The following RPH3A variants were observed in gnomAD, a reference collection of about 807,000 sequenced individuals.
The protein encoded by RPH3A is rabphilin-3A.
Under a neutral mutation model 102.2 loss-of-function variants are expected in RPH3A, and 48 were observed. The ratio of observed to expected loss-of-function variants is 0.47; its 90% CI spans 0.37 to 0.60. The LOEUF is 0.60. Among genes scored for constraint, RPH3A ranks in the 20% least tolerant of loss-of-function variants. The probability of loss-of-function intolerance (pLI) is 0.00; values close to 1 mark genes in which losing one functional copy is unlikely to be tolerated. For synonymous variants in RPH3A, 310 were observed against 324.3 expected (o/e 0.96, Z 0.47); for missense variants, 781 against 910.1 (o/e 0.86, Z 1.83).
At chr12:112,764,662 CCTCT>C (rs1278944809) in intron 1 of RPH3A, among the ~76,000 whole-genome samples, 1 of 151,778 alleles carries the variant, frequency 6.6e-6, no homozygotes, top group Non-Finnish European at 1.5e-5. Context: ...ACCTTCCCTG[CCTCT>C]CTCTACCTGA....
intron 5 of RPH3A, among the ~76,000 whole-genome samples, chr12:112,858,168 G>A (rs2042441787): frequency 6.8e-6 from 1 of 147,010 alleles, no homozygotes; most frequent in Non-Finnish European, 1.5e-5. Flanking sequence ...TTGAAAGGCT[G>A]AGGTGGGAAG....
intron 1 of RPH3A, among the ~76,000 whole-genome samples, chr12:112,712,890 T>C (rs1443352720): frequency 7.3e-6 from 1 of 137,670 alleles, no homozygotes; most frequent in Non-Finnish European, 1.5e-5. Context: ...TTCTTCTTCT[T>C]CTTCTTCTTC....
chr12:112,700,024 G>A (rs1024957317), intron 1 of RPH3A, among the ~76,000 whole-genome samples: 1 of 151,870 alleles, frequency 6.6e-6, no homozygotes, highest in African/African-American at 2.4e-5. Context: ...ACATTTCCAA[G>A]GAGAACAAGC....
At chr12:112,684,797 G>A (rs1024046938) in intron 1 of RPH3A, among the ~76,000 whole-genome samples, 17 of 152,220 alleles carry the variant, frequency 1.1e-4, no homozygotes, top group Middle Eastern at 3.4e-3. Context: ...CTTAGACTGG[G>A]TAATTTACAA....
At chr12:112,680,455 A>G (rs1469156749) in intron 1 of RPH3A, among the ~76,000 whole-genome samples, 1 of 152,172 alleles carries the variant, frequency 6.6e-6, no homozygotes, top group Non-Finnish European at 1.5e-5. Flanking sequence ...GGAATGAGGT[A>G]TATCGTTACC....
intron 1 of RPH3A, among the ~76,000 whole-genome samples, chr12:112,775,391 G>T (rs570349328): frequency 7.9e-5 from 12 of 152,254 alleles, no homozygotes; most frequent in African/African-American, 2.9e-4. Flanking sequence ...CAGGCACTGT[G>T]TTAGGTCCTG....
chr12:112,728,362 T>G (rs2040609631), intron 1 of RPH3A, among the ~76,000 whole-genome samples: 1 of 152,152 alleles, frequency 6.6e-6, no homozygotes. Context: ...GCTTTTAAGC[T>G]TCTATTTTTT....
intron 2 of RPH3A, among the ~76,000 whole-genome samples, chr12:112,809,369 C>A (rs1012519665): frequency 1.1e-4 from 17 of 152,110 alleles, no homozygotes; most frequent in African/African-American, 3.9e-4. Flanking sequence ...AGAACCCTCA[C>A]TATACAAGCA....
intron 1 of RPH3A, among the ~76,000 whole-genome samples, chr12:112,651,477 ATTATC>A (rs1370786411): frequency 6.6e-6 from 1 of 152,148 alleles, no homozygotes; most frequent in Non-Finnish European, 1.5e-5. Context: ...ACTTCATTAT[ATTATC>A]TTGGTACGTT....
At chr12:112,762,935 A>T (rs1215199640) in intron 1 of RPH3A, among the ~76,000 whole-genome samples, 2 of 152,224 alleles carry the variant, frequency 1.3e-5, no homozygotes, top group Non-Finnish European at 2.9e-5. Flanking sequence ...GATTTGGGTC[A>T]TGTGACCATC....
intron 5 of RPH3A, among the ~76,000 whole-genome samples, chr12:112,855,729 C>A (rs1383273258): frequency 7.2e-5 from 11 of 152,226 alleles, no homozygotes; most frequent in Admixed American, 3.3e-4. Flanking sequence ...CCCATCAGAG[C>A]AGCCATTTCC....
chr12:112,738,656 G>A (rs2040686101), intron 1 of RPH3A, among the ~76,000 whole-genome samples: 1 of 152,110 alleles, frequency 6.6e-6, no homozygotes. Context: ...TTGGGGAGCT[G>A]CACTACCTCC....
chr12:112,867,477 A>G (rs1465498827), intron 7 of RPH3A, among the ~76,000 whole-genome samples: 1 of 152,162 alleles, frequency 6.6e-6, no homozygotes, highest in Non-Finnish European at 1.5e-5. Flanking sequence ...CTGGCAGGAA[A>G]GCATTGGCAC....
At position 112,881,763 on chromosome 12, in the gene RPH3A, C is replaced by T. The variant is rs1280156925; in HGVS notation, c.1252-9C>T. On this transcript the variant is annotated splice_polypyrimidine_tract_variant and intron_variant, in intron 14 of 21. Transcript: ENST00000389385. ...GAGGCCCTCACACCATTGCCTCCTT[C>T]TCTTGCAGGGCCTGAAGCCCATGGA... The T allele has an allele frequency of 1.2e-6, 2 of 1,607,188 alleles. No homozygotes were observed.
At chr12:112,664,864 C>T (rs1269481027) in intron 1 of RPH3A, among the ~76,000 whole-genome samples, 1 of 150,922 alleles carries the variant, frequency 6.6e-6, no homozygotes, top group Non-Finnish European at 1.5e-5. Flanking sequence ...GAGATCTCTT[C>T]TATATCACAG....
intron 1 of RPH3A, among the ~76,000 whole-genome samples, chr12:112,736,412 C>T (rs184373712): frequency 6.6e-6 from 1 of 152,346 alleles, no homozygotes; most frequent in East Asian, 1.9e-4. Context: ...TGACTGTCCC[C>T]TCACTGGACC....
intron 1 of RPH3A, among the ~76,000 whole-genome samples, chr12:112,764,701 T>TTA (rs1565873636): frequency 3.3e-5 from 5 of 150,846 alleles, no homozygotes; most frequent in African/African-American, 1.2e-4. Flanking sequence ...TATTATTATT[T>TTA]TTTTGCAATG....
At chr12:112,686,187 C>T (rs2040262016) in intron 1 of RPH3A, among the ~76,000 whole-genome samples, 1 of 152,136 alleles carries the variant, frequency 6.6e-6, no homozygotes, top group South Asian at 2.1e-4. Context: ...TGTAAACTGC[C>T]TTCTCCTGAT....
intron 4 of RPH3A, among the ~76,000 whole-genome samples, chr12:112,840,060 G>A (rs1270282354): frequency 6.6e-6 from 1 of 152,138 alleles, no homozygotes; most frequent in African/African-American, 2.4e-5. Flanking sequence ...ATGGCATAGG[G>A]CATGGATACA....
Sources: gnomAD v4.1 joint callset for allele counts (sites outside exome capture counted in the v4.1 genomes callset) on GRCh38, gnomAD v4.1.1 for gene constraint, MANE v1.5 for transcripts, NCBI Gene and HGNC (gene_info 2026-07-23, HGNC 2026-07-21) for gene names.